ABCC2: variants seen among roughly 807,000 people sequenced by gnomAD.
ABCC2 encodes ATP binding cassette subfamily C member 2.
ABCC2 carries 157 observed loss-of-function variants against 173.4 expected under a neutral mutation model. That is an observed-to-expected ratio of 0.91 (90% CI 0.80 to 1.03). The LOEUF (loss-of-function observed/expected upper bound fraction) is 1.03, where lower values mean the gene tolerates loss of function less well. Ranked by LOEUF, ABCC2 falls within the 50% of genes least tolerant of loss-of-function variation. The probability of loss-of-function intolerance (pLI) is 0.00; values close to 1 mark genes in which losing one functional copy is unlikely to be tolerated. For synonymous variants in ABCC2, 657 were observed against 693.5 expected, an observed-to-expected ratio of 0.95 and a Z score of 0.83; for missense variants, 1,822 against 1,852.3, an observed-to-expected ratio of 0.98 and a Z score of 0.30.
intron 19 of ABCC2, 70 bp from the exon 20 acceptor site, chr10:99,830,237 T>A (rs2038714117): frequency 1.9e-6 from 3 of 1,597,400 alleles, no homozygotes; most frequent in African/African-American, 1.3e-5. Context: ...AGGAGGCTTC[T>A]CTCTCCTTGT....
chr10:99,808,224 C>T lies in ABCC2; in HGVS notation c.1810C>T (p.Leu604Phe), dbSNP rs760580627. The T allele has an allele frequency of 5.0e-6, 8 of 1,614,120 alleles. No homozygotes were observed. Among genetic ancestry groups the T allele is most frequent in the South Asian group, 1.1e-5 (1 of 91,078 alleles). Residue 604 changes from leucine to phenylalanine, a missense_variant, in exon 13 of 32, where the codon CTC becomes TTC. By Grantham distance (22) the Leu-to-Phe change is conservative (BLOSUM62 0). Transcript: ENST00000647814. ...SMLPMMISSM[L>F]QASVSTERLE... ...GCTTCCCATGATGATCTCCTCCATG[C>T]TCCAGGTAGGTCGGCATTCTCACTG... is the stretch of plus-strand genomic sequence containing the variant.
Position 99,810,219 on chromosome 10 carries a change from G to A in ABCC2, c.1900+1G>A. 6.2e-7 allele frequency: 1 copy of A among 1,612,994 alleles called. No homozygotes were observed. The highest frequency in any genetic ancestry group is 1.1e-5 in the South Asian group (1 of 91,070). On this transcript the variant is annotated splice_donor_variant, in intron 14 of 31. Coordinates refer to ENST00000647814, the MANE Select transcript of ABCC2 (RefSeq NM_000392.5). LOFTEE classifies it high-confidence loss of function. The stretch of plus-strand genomic sequence containing the variant: ...GCCATTCGACATGACTGCAATTTTG[G>A]TAAATAAATTTGGAAGTTGCTTCCC...
rs144265641 is a variant in ABCC2 at position 99,807,461 on chromosome 10, G to A, written c.1608G>A (p.Leu536=). The A allele has an allele frequency of 6.2e-6, 10 of 1,614,102 alleles. No homozygotes were observed. Among genetic ancestry groups the A allele is most frequent in the Admixed American group, 3.3e-5 (2 of 60,012 alleles). ...QNLRKKELKN[L]LAFSQLQCVV... Reference sequence around the variant, plus strand: ...TCCGGAAGAAAGAGCTCAAGAACCTGCTGGCCTTTAGTCAACTACAGTGTG... The same window carrying A: ...TCCGGAAGAAAGAGCTCAAGAACCTACTGGCCTTTAGTCAACTACAGTGTG... The change falls in exon 12 of 32, where the codon CTG becomes CTA. Residue 536 remains leucine, a synonymous_variant. Coordinates refer to ENST00000647814, the MANE Select transcript of ABCC2 (RefSeq NM_000392.5).
chr10:99,815,836 A>C (rs368040633), intron 16 of ABCC2, among the ~76,000 whole-genome samples: 1 of 152,226 alleles, frequency 6.6e-6, no homozygotes, highest in African/African-American at 2.4e-5. Flanking sequence ...AATTTAAAAA[A>C]CATGCGCTAT....
intron 23 of ABCC2, among the ~76,000 whole-genome samples, chr10:99,832,880 A>G (rs1590183531): frequency 6.6e-6 from 1 of 152,248 alleles, no homozygotes; most frequent in Non-Finnish European, 1.5e-5. Context: ...GGGGCACTCA[A>G]TGAATGTGAA....
chr10:99,791,177 G>A (rs1399733085), intron 2 of ABCC2, among the ~76,000 whole-genome samples: 1 of 152,196 alleles, frequency 6.6e-6, no homozygotes, highest in East Asian at 1.9e-4. Flanking sequence ...GGAGGCCGAG[G>A]CAGGCAGATC....
In ABCC2 at chr10:99,832,035, T is replaced by C. The variant is rs1027685518; in HGVS notation, c.3162T>C (p.Asn1054=). The change falls in exon 23 of 32, where the codon AAT becomes AAC. Residue 1054 remains asparagine (N), a synonymous_variant. Coordinates refer to ENST00000647814, the MANE Select transcript of ABCC2 (RefSeq NM_000392.5). The part of the protein sequence containing the change: ...WSAFGFVHAS[N]ILHKQLLNNI... ...CCTTTGGTTTCGTCCATGCATCAAA[T>C]ATCTTGCACAAGCAACTGCTGAACA... is the stretch of plus-strand genomic sequence containing the variant. 17 of 1,614,122 alleles carry C rather than the reference T, an allele frequency of 1.1e-5. No homozygotes were observed. Among genetic ancestry groups the C allele is most frequent in the Non-Finnish European group, 1.4e-5 (17 of 1,180,032 alleles).
At chr10:99,792,134 A>G in intron 2 of ABCC2, 100 bp from the exon 3 acceptor site, 17 of 1,428,308 alleles carry the variant, frequency 1.2e-5, no homozygotes, top group Non-Finnish European at 1.7e-5. Context: ...TATCTGAATC[A>G]CTGCATACCG....
At chr10:99,823,279 C>T in intron 19 of ABCC2, among the ~76,000 whole-genome samples, 1 of 151,956 alleles carries the variant, frequency 6.6e-6, no homozygotes, top group East Asian at 1.9e-4. Context: ...AGTTCTTGTG[C>T]TTTTATGAAT....
At chr10:99,826,330 T>C (rs974590392) in intron 19 of ABCC2, among the ~76,000 whole-genome samples, 29 of 152,002 alleles carry the variant, frequency 1.9e-4, no homozygotes, top group Non-Finnish European at 3.4e-4. Flanking sequence ...ACCTTTCCTT[T>C]TAATGGCTTA....
At chr10:99,832,843 T>A (rs1358925128) in intron 23 of ABCC2, among the ~76,000 whole-genome samples, 2 of 152,240 alleles carry the variant, frequency 1.3e-5, no homozygotes, top group Non-Finnish European at 2.9e-5. Context: ...GAGCACTTTC[T>A]ATGAGCCAAC....
intron 7 of ABCC2, among the ~76,000 whole-genome samples, chr10:99,798,297 G>A (rs2037955727): frequency 6.6e-6 from 1 of 152,158 alleles, no homozygotes; most frequent in South Asian, 2.1e-4. Context: ...GACATTGTGA[G>A]AGAGTATCAC....
intron 9 of ABCC2, among the ~76,000 whole-genome samples, chr10:99,803,249 G>A (rs569424594): frequency 1.2e-3 from 185 of 152,340 alleles, no homozygotes; most frequent in Non-Finnish European, 2.1e-3. Flanking sequence ...GATTACAGGC[G>A]TGAGCCACTG....
chr10:99,800,315 T>G, intron 8 of ABCC2, 71 bp from the exon 9 acceptor site: 1 of 1,504,226 alleles, frequency 6.6e-7, no homozygotes. Context: ...GTAGTCTAGC[T>G]GGCTGTGCAT....
At chr10:99,791,020 C>G (rs975461759) in intron 2 of ABCC2, among the ~76,000 whole-genome samples, 14 of 152,074 alleles carry the variant, frequency 9.2e-5, no homozygotes, top group Admixed American at 8.5e-4. Flanking sequence ...CAGTAATTTT[C>G]CCCCTGATAG....
At chr10:99,849,022 C>G (rs911853052) in intron 30 of ABCC2, among the ~76,000 whole-genome samples, 7 of 152,094 alleles carry the variant, frequency 4.6e-5, no homozygotes, top group African/African-American at 1.7e-4. Context: ...GTCGGGAGCT[C>G]GAGACCAGCC....
intron 9 of ABCC2, 116 bp from the exon 10 acceptor site, chr10:99,803,903 G>T: frequency 1.5e-6 from 2 of 1,345,770 alleles, no homozygotes; most frequent in South Asian, 1.2e-5. Context: ...CCTTGGAGAA[G>T]CTGTGTCCAT....
At chr10:99,847,895 G>T (rs990083843) in intron 30 of ABCC2, among the ~76,000 whole-genome samples, 1 of 152,138 alleles carries the variant, frequency 6.6e-6, no homozygotes, top group African/African-American at 2.4e-5. Context: ...TCCAGCCTGG[G>T]AGACAGAGCA....
chr10:99,805,606 G>T (rs76471910), intron 11 of ABCC2, among the ~76,000 whole-genome samples, 159 bp downstream of exon 11: 1 of 152,036 alleles, frequency 6.6e-6, no homozygotes, highest in East Asian at 1.9e-4. Context: ...CAGGTCCTCC[G>T]TTGAACCCCA....
Sources: allele counts gnomAD v4.1 joint callset (sites outside exome capture counted in the v4.1 genomes callset), GRCh38; gene constraint gnomAD v4.1.1; transcripts MANE v1.5; gene names NCBI Gene and HGNC (gene_info 2026-07-23, HGNC 2026-07-21).